WDR70: variants seen among roughly 807,000 people sequenced by gnomAD.
The protein encoded by WDR70 is WD repeat domain 70, also known as WD repeat-containing protein 70.
A neutral mutation model predicts 88.6 loss-of-function variants in WDR70; 53 were observed. The ratio of observed to expected loss-of-function variants is 0.60; its 90% CI spans 0.48 to 0.75. WDR70 has a LOEUF of 0.75. Ranked by LOEUF, WDR70 falls within the 30% of genes least tolerant of loss-of-function variation. The pLI is 0.00. For synonymous variants in WDR70, 280 were observed against 270.0 expected (o/e 1.04, Z -0.36); for missense variants, 610 against 823.2 (o/e 0.74, Z 3.17).
At chr5:37,408,124 C>T (rs1749409803) in intron 5 of WDR70, among the ~76,000 whole-genome samples, 2 of 152,026 alleles carry the variant, frequency 1.3e-5, no homozygotes, top group Non-Finnish European at 2.9e-5. Flanking sequence ...ATACAGGCTT[C>T]AAGTTAGATG....
chr5:37,502,067 A>G (rs773527981), intron 8 of WDR70, among the ~76,000 whole-genome samples: 2 of 152,168 alleles, frequency 1.3e-5, no homozygotes, highest in Non-Finnish European at 2.9e-5. Flanking sequence ...ATTGATGAGC[A>G]TGGGACATAT....
At chr5:37,656,018 G>A (rs1049461390) in intron 10 of WDR70, among the ~76,000 whole-genome samples, 2 of 150,092 alleles carry the variant, frequency 1.3e-5, no homozygotes, top group African/African-American at 4.9e-5. Flanking sequence ...GAGAAGAGAC[G>A]TTCTGGTTTT....
intron 10 of WDR70, among the ~76,000 whole-genome samples, chr5:37,670,369 T>C (rs1745990792): frequency 6.6e-6 from 1 of 152,224 alleles, no homozygotes; most frequent in African/African-American, 2.4e-5. Flanking sequence ...CAGTCATTTA[T>C]GCTTTTCACG....
chr5:37,557,959 T>TTTGAAAACTCTTAAAA, intron 9 of WDR70, among the ~76,000 whole-genome samples: 1 of 146,506 alleles, frequency 6.8e-6, no homozygotes. Context: ...AAAAGAGTAT[T>TTTGAAAACTCTTAAAA]ATGTATATTT....
intron 9 of WDR70, among the ~76,000 whole-genome samples, chr5:37,520,989 G>T (rs1741068963): frequency 6.6e-6 from 1 of 151,536 alleles, no homozygotes; most frequent in Non-Finnish European, 1.5e-5. Flanking sequence ...CAGAGGACTT[G>T]GGCTATTCTG....
intron 5 of WDR70, among the ~76,000 whole-genome samples, chr5:37,397,713 G>T (rs1437258403): frequency 6.6e-6 from 1 of 152,130 alleles, no homozygotes; most frequent in Non-Finnish European, 1.5e-5. Context: ...GTAATTGCCC[G>T]GCAGGGCATA....
At chr5:37,557,941 T>TCTTCAAAAGAGTACTCTTTTGAAA (rs1273640422) in intron 9 of WDR70, among the ~76,000 whole-genome samples, 3 of 52,148 alleles carry the variant, frequency 5.8e-5, no homozygotes, top group African/African-American at 1.1e-4. Context: ...CTCTTTTGAA[T>TCTTCAAAAGAGTACTCTTTTGAAA]ACTCTTCAAA....
intron 8 of WDR70, among the ~76,000 whole-genome samples, chr5:37,492,106 G>T (rs1029800628): frequency 1.2e-4 from 19 of 152,080 alleles, no homozygotes; most frequent in Non-Finnish European, 2.5e-4. Context: ...TTGGTACTCT[G>T]GTTATATTCA....
At chr5:37,682,520 T>A (rs1460329139) in intron 10 of WDR70, among the ~76,000 whole-genome samples, 3 of 63,592 alleles carry the variant, frequency 4.7e-5, no homozygotes, top group African/African-American at 6.6e-5. Flanking sequence ...AATGTTAGGT[T>A]GTTAAGTTGA....
At chr5:37,515,230 T>C (rs559074557) in intron 8 of WDR70, among the ~76,000 whole-genome samples, 2 of 151,704 alleles carry the variant, frequency 1.3e-5, no homozygotes, top group Middle Eastern at 6.8e-3. Flanking sequence ...TCTGTGTAGA[T>C]AGAAGGTTTT....
At chr5:37,660,762 G>A (rs1247075652) in intron 10 of WDR70, among the ~76,000 whole-genome samples, 1 of 152,064 alleles carries the variant, frequency 6.6e-6, no homozygotes, top group Non-Finnish European at 1.5e-5. Flanking sequence ...TTTAATTGAA[G>A]CATGTAGATC....
At chr5:37,414,195 G>T (rs1186837592) in intron 5 of WDR70, among the ~76,000 whole-genome samples, 1 of 149,168 alleles carries the variant, frequency 6.7e-6, no homozygotes, top group African/African-American at 2.5e-5. Flanking sequence ...TCACTTCTCT[G>T]CTCCAAACGT....
chr5:37,415,996 G>A (rs1749731858), intron 5 of WDR70, among the ~76,000 whole-genome samples: 3 of 151,010 alleles, frequency 2.0e-5, no homozygotes, highest in Non-Finnish European at 2.9e-5. Flanking sequence ...ATGGGATGGC[G>A]GCCTGGCAGA....
At chr5:37,723,122 G>C in intron 15 of WDR70, 188 bp downstream of exon 15, 2 of 630,852 alleles carry the variant, frequency 3.2e-6, no homozygotes, top group Non-Finnish European at 5.5e-6. Flanking sequence ...TCATCACAGG[G>C]ACAGGGTTAT....
chr5:37,550,507 A>T (rs1177896632), intron 9 of WDR70, among the ~76,000 whole-genome samples: 1 of 152,194 alleles, frequency 6.6e-6, no homozygotes, highest in Non-Finnish European at 1.5e-5. Flanking sequence ...TGCAGTGCAG[A>T]TTAGGTCTGA....
intron 8 of WDR70, chr5:37,505,994 T>C: frequency 1.3e-6 from 2 of 1,586,066 alleles, no homozygotes; most frequent in Non-Finnish European, 1.7e-6. Context: ...GTTTCAGGGA[T>C]GCTCCTTCTG....
chr5:37,740,671 G>T (rs1174928557), intron 17 of WDR70, among the ~76,000 whole-genome samples: 1 of 152,090 alleles, frequency 6.6e-6, no homozygotes. Context: ...TTTAAGGATG[G>T]GCCTGAGAGT....
intron 7 of WDR70, among the ~76,000 whole-genome samples, chr5:37,444,207 G>T (rs1203905225): frequency 2.6e-5 from 4 of 151,782 alleles, no homozygotes; most frequent in Non-Finnish European, 5.9e-5. Context: ...AATTAATTCT[G>T]AGAAATGAGA....
At chr5:37,700,476 T>C (rs934803444) in intron 11 of WDR70, 7 of 152,442 alleles carry the variant, frequency 4.6e-5, no homozygotes, top group African/African-American at 1.7e-4. Context: ...ATTCTTTAAA[T>C]AGCTTGGCAA....
Sources: gnomAD v4.1 joint callset for allele counts (sites outside exome capture counted in the v4.1 genomes callset) on GRCh38, gnomAD v4.1.1 for gene constraint, MANE v1.5 for transcripts, NCBI Gene and HGNC (gene_info 2026-07-23, HGNC 2026-07-21) for gene names.